CSMD1: variants seen among roughly 807,000 people sequenced by gnomAD.
CSMD1 encodes the protein CUB and Sushi multiple domains 1, also known as CUB and sushi domain-containing protein 1.
In CSMD1, 213 loss-of-function variants were observed where a neutral mutation model predicts 417.5. The ratio of observed to expected loss-of-function variants is 0.51; its 90% CI spans 0.46 to 0.57. CSMD1 has a LOEUF of 0.57. Ranked by LOEUF, CSMD1 falls within the 20% of genes least tolerant of loss-of-function variation. The pLI, the probability that CSMD1 is intolerant of heterozygous loss-of-function variation, is 0.00. For missense variants in CSMD1, 6,923 were observed against 4,529.7 expected (o/e 1.53, Z -15.17); for synonymous variants, 2,862 against 1,736.8 (o/e 1.65, Z -16.11).
Position 4,491,098 on chromosome 8 carries a change from A to G in CSMD1, c.303-71033T>C, listed in dbSNP as rs992016765. On this transcript the variant is annotated intron_variant, in intron 2 of 69. Coordinates refer to ENST00000635120, the MANE Select transcript of CSMD1 (RefSeq NM_033225.6). ...AATAAGACATGAGCTATTAATGGGTACTAGGCTTAATATGCGGGCAATGAA... is the reference window on the plus strand; with the variant it reads ...AATAAGACATGAGCTATTAATGGGTGCTAGGCTTAATATGCGGGCAATGAA... Among the ~76,000 whole-genome samples, 3 of 152,206 alleles carry G rather than the reference A, an allele frequency of 2.0e-5. No individual in the cohort carries two copies. In the East Asian group the frequency reaches 5.8e-4, roughly 29 times the overall value.
intron 3 of CSMD1, among the ~76,000 whole-genome samples, chr8:4,358,071 T>C (rs1210930563): frequency 2.6e-5 from 4 of 152,216 alleles, no homozygotes; most frequent in African/African-American, 4.8e-5. Context: ...TACTTACGTA[T>C]ATATGTATAT....
chr8:4,292,730 G>C (rs1050108206), intron 3 of CSMD1, among the ~76,000 whole-genome samples: 4 of 151,928 alleles, frequency 2.6e-5, no homozygotes, highest in Non-Finnish European at 2.9e-5. Flanking sequence ...TTAATATTAG[G>C]CCTCTAGTAT....
intron 5 of CSMD1, among the ~76,000 whole-genome samples, chr8:3,985,435 A>C (rs990519794): frequency 6.6e-6 from 1 of 152,104 alleles, no homozygotes; most frequent in African/African-American, 2.4e-5. Context: ...ACACACACAC[A>C]AACACACCTG....
rs980570786 is a variant in CSMD1, at chr8:2,935,976, G to T, written c.*2609C>A. 2 of 152,166 alleles carry T rather than the reference G, an allele frequency of 1.3e-5. No homozygotes were observed. The highest frequency in any genetic ancestry group is 4.8e-5 in the African/African-American group (2 of 41,442). 9.4% of individuals were successfully genotyped at this position (152,166 alleles called of 1,614,324 possible). ...TCACGCGTGTTCCCGTTGCCTTCAG[G>T]GAAGAGTCTTCTAGACCTAACTCAG... On this transcript the variant is annotated 3_prime_UTR_variant, in exon 70 of 70. Coordinates refer to ENST00000635120, the MANE Select transcript of CSMD1 (RefSeq NM_033225.6).
At chr8:4,277,102 G>A (rs1156856044) in intron 3 of CSMD1, among the ~76,000 whole-genome samples, 3 of 151,952 alleles carry the variant, frequency 2.0e-5, no homozygotes, top group South Asian at 2.1e-4. Context: ...TAACTTTTCT[G>A]CCAATTAAAA....
intron 12 of CSMD1, among the ~76,000 whole-genome samples, chr8:3,410,115 A>T (rs775010098): frequency 6.6e-6 from 1 of 152,244 alleles, no homozygotes; most frequent in Non-Finnish European, 1.5e-5. Context: ...ACAGAGGAAA[A>T]CAAAATATTC....
intron 5 of CSMD1, among the ~76,000 whole-genome samples, chr8:3,955,655 C>T (rs571977783): frequency 6.6e-6 from 1 of 152,006 alleles, no homozygotes; most frequent in Admixed American, 6.6e-5. Flanking sequence ...CCTCTTTCAC[C>T]GATTCTAAAA....
At chr8:4,368,368 C>G (rs776615891) in intron 3 of CSMD1, among the ~76,000 whole-genome samples, 2 of 152,070 alleles carry the variant, frequency 1.3e-5, no homozygotes, top group Admixed American at 6.6e-5. Context: ...GCTTTTTCAT[C>G]TGCTGCTGGA....
At chr8:4,954,648 A>G (rs1449739430) in intron 1 of CSMD1, among the ~76,000 whole-genome samples, 1 of 152,214 alleles carries the variant, frequency 6.6e-6, no homozygotes, top group Non-Finnish European at 1.5e-5. Context: ...GCAAATACCC[A>G]ATGTGTACTC....
chr8:4,853,712 A>C (rs1801620185), intron 1 of CSMD1, among the ~76,000 whole-genome samples: 1 of 152,194 alleles, frequency 6.6e-6, no homozygotes, highest in Non-Finnish European at 1.5e-5. Context: ...GGAATGGTAG[A>C]TCTAACAGCA....
intron 7 of CSMD1, among the ~76,000 whole-genome samples, chr8:3,696,758 A>C (rs570493421): frequency 6.6e-6 from 1 of 152,246 alleles, no homozygotes; most frequent in African/African-American, 2.4e-5. Context: ...AGATGTCAAG[A>C]ATATGGAAAT....
chr8:4,181,491 T>G (rs997559016), intron 3 of CSMD1, among the ~76,000 whole-genome samples: 2 of 152,124 alleles, frequency 1.3e-5, no homozygotes, highest in South Asian at 4.1e-4. Context: ...CGATAACTGA[T>G]GAGCTTTAAA....
intron 8 of CSMD1, among the ~76,000 whole-genome samples, chr8:3,603,035 G>A (rs4875241): frequency 0.21 from 31,945 of 152,066 alleles, 4,198 homozygotes; most frequent in East Asian, 0.53. Context: ...CCTATTTGGT[G>A]AATTGCTTAT....
intron 2 of CSMD1, among the ~76,000 whole-genome samples, chr8:4,448,022 T>C (rs568240389): frequency 4.6e-5 from 7 of 152,128 alleles, no homozygotes; most frequent in Non-Finnish European, 1.0e-4. Flanking sequence ...ACTAAAAAAC[T>C]AAAGTGGTTC....
At chr8:3,151,948 G>A (rs1448181506) in intron 39 of CSMD1, among the ~76,000 whole-genome samples, 1 of 152,180 alleles carries the variant, frequency 6.6e-6, no homozygotes, top group Non-Finnish European at 1.5e-5. Context: ...ACCCTGAAAG[G>A]ATTACCATTC....
At chr8:3,068,954 T>A (rs949880580) in intron 49 of CSMD1, among the ~76,000 whole-genome samples, 10 of 152,024 alleles carry the variant, frequency 6.6e-5, no homozygotes, top group African/African-American at 2.4e-4. Flanking sequence ...AATCATGTCT[T>A]CCCAACAGAA....
chr8:3,798,615 A>T (rs1197192450), intron 5 of CSMD1, among the ~76,000 whole-genome samples: 5 of 152,166 alleles, frequency 3.3e-5, no homozygotes, highest in Non-Finnish European at 7.4e-5. Flanking sequence ...CTTTGCTTCC[A>T]TGAAGCCAGT....
intron 3 of CSMD1, among the ~76,000 whole-genome samples, chr8:4,162,133 C>G (rs1430829099): frequency 5.3e-5 from 8 of 152,186 alleles, no homozygotes; most frequent in Non-Finnish European, 1.0e-4. Context: ...TCTAAATAAA[C>G]TAAACCAGTG....
intron 7 of CSMD1, among the ~76,000 whole-genome samples, chr8:3,639,218 TCTC>T: frequency 6.6e-6 from 1 of 152,324 alleles, no homozygotes. Flanking sequence ...CCTTGAGGTC[TCTC>T]TGTTGGACTA....
Sources: gnomAD v4.1 joint callset for allele counts (sites outside exome capture counted in the v4.1 genomes callset) on GRCh38, gnomAD v4.1.1 for gene constraint, MANE v1.5 for transcripts, NCBI Gene and HGNC (gene_info 2026-07-23, HGNC 2026-07-21) for gene names.